RAD51B: variants seen among roughly 807,000 people sequenced by gnomAD.
RAD51B encodes RAD51 paralog B.
RAD51B carries 38 observed loss-of-function variants against 42.2 expected under a neutral mutation model. The ratio of observed to expected loss-of-function variants is 0.90; its 90% CI spans 0.70 to 1.18. The LOEUF (loss-of-function observed/expected upper bound fraction) is 1.18. Among genes scored for constraint, RAD51B ranks in the 50% most tolerant of loss-of-function variants. RAD51B has a pLI of 0.00. For synonymous variants in RAD51B, 154 were observed against 145.2 expected (o/e 1.06, Z -0.43); for missense variants, 373 against 400.7 (o/e 0.93, Z 0.59).
intron 9 of RAD51B, among the ~76,000 whole-genome samples, chr14:68,413,767 G>A (rs905810456): frequency 6.6e-6 from 1 of 152,120 alleles, no homozygotes; most frequent in African/African-American, 2.4e-5. Flanking sequence ...TCTGGGATAT[G>A]TGCATAAAAC....
intron 7 of RAD51B, among the ~76,000 whole-genome samples, chr14:68,154,590 C>T (rs560201447): frequency 1.3e-5 from 2 of 152,308 alleles, no homozygotes; most frequent in Non-Finnish European, 2.9e-5. Flanking sequence ...AGCTCCTTCT[C>T]CTCACTTCAG....
At chr14:67,981,045 A>G (rs2075082875) in intron 7 of RAD51B, among the ~76,000 whole-genome samples, 1 of 152,134 alleles carries the variant, frequency 6.6e-6, no homozygotes, top group Non-Finnish European at 1.5e-5. Flanking sequence ...AAACAACCCA[A>G]CAACAACAAA....
At chr14:68,147,066 G>T (rs574870463) in intron 7 of RAD51B, among the ~76,000 whole-genome samples, 1 of 152,282 alleles carries the variant, frequency 6.6e-6, no homozygotes, top group Admixed American at 6.5e-5. Context: ...TGAAATAGTT[G>T]TGGTGGCAAA....
chr14:68,047,086 T>C (rs1396770827), intron 7 of RAD51B, among the ~76,000 whole-genome samples: 1 of 152,038 alleles, frequency 6.6e-6, no homozygotes. Context: ...GTTTTATTTA[T>C]TTGTAGCTGC....
chr14:68,314,996 G>A, intron 8 of RAD51B, among the ~76,000 whole-genome samples: 1 of 152,158 alleles, frequency 6.6e-6, no homozygotes, highest in Non-Finnish European at 1.5e-5. Flanking sequence ...CTCTCCACAT[G>A]TAAAGTTAAC....
intron 7 of RAD51B, among the ~76,000 whole-genome samples, chr14:67,945,707 T>C (rs1595147447): frequency 3.9e-5 from 6 of 151,942 alleles, no homozygotes; most frequent in Admixed American, 3.9e-4. Flanking sequence ...CTGACCTCAG[T>C]TGATCCACCC....
rs570214816 is a variant in RAD51B, at chr14:68,092,123, C to T, written c.757-199761C>T. Among the ~76,000 whole-genome samples the T allele has an allele frequency of 1.1e-4, 17 of 152,336 alleles. No individual in the cohort carries two copies. In the East Asian group the frequency reaches 3.3e-3, roughly 29 times the overall value. Reference sequence around the variant, plus strand: ...GTAGCTTTGTAGTATAGTTTGAAGTCAGGTAGCATGATGCCTCCAGCTTTG... The same window carrying T: ...GTAGCTTTGTAGTATAGTTTGAAGTTAGGTAGCATGATGCCTCCAGCTTTG... On this transcript the variant is annotated intron_variant, in intron 7 of 10. Coordinates refer to ENST00000471583, the MANE Select transcript of RAD51B (RefSeq NM_133510.4).
chr14:67,893,491 CACACACACACACACACACAAA>C (rs2043288259), intron 7 of RAD51B, among the ~76,000 whole-genome samples: 1 of 76,788 alleles, frequency 1.3e-5, no homozygotes, highest in African/African-American at 7.5e-5. Context: ...CACACACACA[CACACACACACACACACACAAA>C]AAAAAACAAT....
intron 7 of RAD51B, among the ~76,000 whole-genome samples, chr14:68,223,061 T>C (rs1045835838): frequency 2.0e-5 from 3 of 152,218 alleles, no homozygotes; most frequent in Non-Finnish European, 2.9e-5. Flanking sequence ...TGCCCATGTC[T>C]GAACTGTTAG....
intron 10 of RAD51B, among the ~76,000 whole-genome samples, chr14:68,635,964 ATT>A (rs759739930): frequency 6.8e-6 from 1 of 147,814 alleles, no homozygotes; most frequent in Non-Finnish European, 1.5e-5. Context: ...AGGACACAGC[ATT>A]TTTTTTTTTA....
At chr14:68,247,184 A>ATGGTATCC (rs1467607760) in intron 7 of RAD51B, among the ~76,000 whole-genome samples, 9 of 152,156 alleles carry the variant, frequency 5.9e-5, no homozygotes, top group Non-Finnish European at 1.2e-4. Context: ...AGAGCACTGT[A>ATGGTATCC]TGGTATCCTT....
At chr14:68,217,128 G>A (rs772199383) in intron 7 of RAD51B, among the ~76,000 whole-genome samples, 92 of 152,098 alleles carry the variant, frequency 6.0e-4, no homozygotes, top group Non-Finnish European at 7.5e-4. Context: ...TGTGGCTGTC[G>A]CCTAAGGATG....
chr14:68,059,317 G>T (rs982189406), intron 7 of RAD51B, among the ~76,000 whole-genome samples: 6 of 152,156 alleles, frequency 3.9e-5, no homozygotes, highest in African/African-American at 9.7e-5. Context: ...CACAAGATCT[G>T]AGTATGTAAC....
chr14:67,893,018 C>A (rs2043265639), intron 7 of RAD51B, among the ~76,000 whole-genome samples: 1 of 152,236 alleles, frequency 6.6e-6, no homozygotes, highest in East Asian at 1.9e-4. Context: ...AATATAACAG[C>A]TTTTGAGTCC....
intron 8 of RAD51B, among the ~76,000 whole-genome samples, chr14:68,408,084 G>A (rs1476450932): frequency 6.6e-6 from 1 of 152,126 alleles, no homozygotes; most frequent in East Asian, 1.9e-4. Context: ...CAGACAACAG[G>A]CAACTAAAGC....
At chr14:68,334,716 A>G (rs1363714375) in intron 8 of RAD51B, among the ~76,000 whole-genome samples, 1 of 152,052 alleles carries the variant, frequency 6.6e-6, no homozygotes, top group Non-Finnish European at 1.5e-5. Context: ...CTTCCATAAC[A>G]TGGTAGCACA....
intron 11 of RAD51B, among the ~76,000 whole-genome samples, chr14:68,656,148 C>T (rs1438364254): frequency 6.6e-6 from 1 of 152,144 alleles, no homozygotes; most frequent in Non-Finnish European, 1.5e-5. Context: ...ACAAGGGGCT[C>T]GGGCTGGGCA....
At chr14:68,541,829 G>T (rs1266425592) in intron 10 of RAD51B, 6 of 984,600 alleles carry the variant, frequency 6.1e-6, no homozygotes, top group Non-Finnish European at 7.2e-6. Context: ...TCTTTTACAA[G>T]GCAGCCTGTG....
chr14:67,873,473 C>A (rs2042615244), intron 5 of RAD51B, among the ~76,000 whole-genome samples: 2 of 149,282 alleles, frequency 1.3e-5, no homozygotes, highest in African/African-American at 2.4e-5. Context: ...AATAGGAACA[C>A]TTTTACACTG....
Sources: allele counts gnomAD v4.1 joint callset (sites outside exome capture counted in the v4.1 genomes callset), GRCh38; gene constraint gnomAD v4.1.1; transcripts MANE v1.5; gene names NCBI Gene and HGNC (gene_info 2026-07-23, HGNC 2026-07-21).